The following ERG variants were observed in gnomAD, a reference collection of about 807,000 sequenced individuals.
The protein encoded by ERG is transcriptional regulator ERG.
A neutral mutation model predicts 55.3 loss-of-function variants in ERG; 9 were observed. The ratio of observed to expected loss-of-function variants is 0.16; its 90% confidence interval spans 0.10 to 0.28. The LOEUF (loss-of-function observed/expected upper bound fraction) is 0.28. Among genes scored for constraint, ERG ranks in the 10% least tolerant of loss-of-function variants. The pLI is 1.00. For missense variants in ERG, 434 were observed against 631.6 expected (o/e 0.69, Z 3.35); for synonymous variants, 223 against 237.3 (o/e 0.94, Z 0.55).
At chr21:38,595,694 G>A (rs947746615) in intron 1 of ERG, among the ~76,000 whole-genome samples, 1 of 152,148 alleles carries the variant, frequency 6.6e-6, no homozygotes, top group Non-Finnish European at 1.5e-5. Flanking sequence ...TTAAGATGGA[G>A]ACTGTGATGA....
At chr21:38,556,663 A>G (rs1328233960) in intron 2 of ERG, among the ~76,000 whole-genome samples, 1 of 152,112 alleles carries the variant, frequency 6.6e-6, no homozygotes, top group African/African-American at 2.4e-5. Flanking sequence ...ACAGGTCTAC[A>G]TGCAATCTTC....
chr21:38,376,323 C>T (rs1480835945), downstream of ERG, among the ~76,000 whole-genome samples: 2 of 152,176 alleles, frequency 1.3e-5, no homozygotes, highest in African/African-American at 4.8e-5. Context: ...GTTCGTTTCT[C>T]GCTATGCATG....
At position 38,482,683 on chromosome 21, in the gene ERG, C is replaced by T. The variant is rs1473670633; in HGVS notation, c.18+15680G>A. 6.2e-5 allele frequency among the ~76,000 whole-genome samples: 9 copies of T among 145,970 alleles called. No homozygotes were observed. The East Asian group carries it at 1.4e-3, about 22-fold the overall frequency. On this transcript the variant is annotated intron_variant, in intron 1 of 9. Coordinates refer to ENST00000288319, the MANE Select transcript of ERG (RefSeq NM_182918.4). ...TATATACAACGGAATATCATTTAGCCTTTTTTTTTTTTGAGATGGAATCTC... is the reference window on the plus strand; with the variant it reads ...TATATACAACGGAATATCATTTAGCTTTTTTTTTTTTTGAGATGGAATCTC...
At chr21:38,416,447 G>T (rs1282066456) in intron 3 of ERG, among the ~76,000 whole-genome samples, 1 of 152,210 alleles carries the variant, frequency 6.6e-6, no homozygotes, top group African/African-American at 2.4e-5. Context: ...CTGCCAGGAA[G>T]CTCAAAGCCA....
Position 38,460,594 on chromosome 21 carries a change from A to C in ERG, c.19-14973T>G, listed in dbSNP as rs1182103833. 6.6e-6 allele frequency among the ~76,000 whole-genome samples: 1 copy of C among 152,202 alleles called. No individual in the cohort carries two copies. The highest frequency in any genetic ancestry group is 1.9e-4 in the East Asian group (1 of 5,188). Reference sequence around the variant, plus strand: ...CATGCAGAAACTCTGGGAACTGAGAATCTGTACTTTTCATTCAGAGTCTGC... The same window carrying C: ...CATGCAGAAACTCTGGGAACTGAGACTCTGTACTTTTCATTCAGAGTCTGC... On this transcript the variant is annotated intron_variant, in intron 1 of 9. Transcript: ENST00000288319. The surrounding 1 kb of genome is among the most constrained non-coding windows in gnomAD (Gnocchi z 5.0).
At chr21:38,375,743 C>T (rs943305581), downstream of ERG, among the ~76,000 whole-genome samples, 1 of 152,176 alleles carries the variant, frequency 6.6e-6, no homozygotes, top group Non-Finnish European at 1.5e-5. Context: ...CTTGATTGCG[C>T]ATCACTTGTT....
chr21:38,399,741 C>T (rs1988399064), intron 6 of ERG, among the ~76,000 whole-genome samples: 1 of 152,230 alleles, frequency 6.6e-6, no homozygotes, highest in Non-Finnish European at 1.5e-5. Context: ...GAGTTCCTCC[C>T]CACCCCTGCT....
chr21:38,592,218 T>C (rs1294529636), intron 1 of ERG, among the ~76,000 whole-genome samples: 1 of 152,004 alleles, frequency 6.6e-6, no homozygotes, highest in East Asian at 1.9e-4. Flanking sequence ...CCCAGGGGAG[T>C]CCCTGAATGC....
intron 3 of ERG, among the ~76,000 whole-genome samples, chr21:38,406,557 C>A (rs534297208): frequency 6.6e-6 from 1 of 152,180 alleles, no homozygotes; most frequent in African/African-American, 2.4e-5. Context: ...GAAGACCCCC[C>A]ATCCTACCCA....
intron 1 of ERG, among the ~76,000 whole-genome samples, chr21:38,594,488 T>C (rs1279575773): frequency 6.6e-6 from 1 of 152,114 alleles, no homozygotes; most frequent in African/African-American, 2.4e-5. Context: ...TGCACAGAGC[T>C]GTGGACGGGG....
At chr21:38,562,538 G>T (rs1189072351) in intron 2 of ERG, among the ~76,000 whole-genome samples, 1 of 152,174 alleles carries the variant, frequency 6.6e-6, no homozygotes, top group Non-Finnish European at 1.5e-5. Flanking sequence ...GTCCCCAGGT[G>T]ACTTATGGAT....
chr21:38,442,549 GGAA>G (rs2058851570), intron 2 of ERG, among the ~76,000 whole-genome samples: 2 of 152,310 alleles, frequency 1.3e-5, no homozygotes, highest in South Asian at 4.1e-4. Flanking sequence ...GCCCTGGGGC[GGAA>G]CTGCCCTGGT....
At chr21:38,418,846 G>C (rs1467754796) in intron 3 of ERG, among the ~76,000 whole-genome samples, 2 of 142,452 alleles carry the variant, frequency 1.4e-5, no homozygotes, top group African/African-American at 5.2e-5. Context: ...AGAATCACTT[G>C]AACCTGGGAG....
rs1431161940 is a variant in ERG at position 38,383,100 on chromosome 21, A to C, written c.*303T>G. 8.8e-7 allele frequency: 1 copy of C among 1,140,836 alleles called. No homozygotes were observed. Among genetic ancestry groups the C allele is most frequent in the East Asian group, 4.2e-5 (1 of 23,840 alleles). The allele number at this position is 1,140,836 out of a possible 1,614,324, so 70.7% of individuals were successfully genotyped here. A position where few individuals can be genotyped will look rare whatever the true frequency, so the allele number is the denominator to read the frequency against. Reference sequence around the variant, plus strand: ...TACTCTAAAGTTTATACATTTCTTAAGACCACTTTCTTTGGCACTTTGTCC... The same window carrying C: ...TACTCTAAAGTTTATACATTTCTTACGACCACTTTCTTTGGCACTTTGTCC... On this transcript the variant is annotated 3_prime_UTR_variant, in exon 10 of 10. Coordinates refer to ENST00000288319, the MANE Select transcript of ERG (RefSeq NM_182918.4). The surrounding 1 kb of genome is among the most constrained non-coding windows in gnomAD (Gnocchi z 5.7).
At chr21:38,367,763 C>A in the ERG span, 9 of 422,294 alleles carry the variant, frequency 2.1e-5, no homozygotes, top group Non-Finnish European at 2.8e-5. Flanking sequence ...AATAACTAAC[C>A]AACAGAGGGC....
intron 1 of ERG, among the ~76,000 whole-genome samples, chr21:38,632,392 G>A (rs960102210): frequency 6.6e-6 from 1 of 152,148 alleles, no homozygotes; most frequent in Non-Finnish European, 1.5e-5. Flanking sequence ...TCAGGATGTA[G>A]AGGAGGTAGA....
At chr21:38,440,322 A>G (rs935919055) in intron 2 of ERG, among the ~76,000 whole-genome samples, 1 of 152,212 alleles carries the variant, frequency 6.6e-6, no homozygotes, top group African/African-American at 2.4e-5. Context: ...GGGCTCCTCC[A>G]GAGGCAGGCA....
At chr21:38,435,719 C>T (rs1210932663) in intron 2 of ERG, among the ~76,000 whole-genome samples, 2 of 152,164 alleles carry the variant, frequency 1.3e-5, no homozygotes, top group Non-Finnish European at 2.9e-5. Context: ...CTCTTTACAG[C>T]CAAAAACGAA....
chr21:38,547,058 G>A (rs754655004), intron 2 of ERG, among the ~76,000 whole-genome samples: 1 of 152,148 alleles, frequency 6.6e-6, no homozygotes, highest in African/African-American at 2.4e-5. Flanking sequence ...CTTTGAGTGG[G>A]AATATGAGCC....
Sources: allele counts gnomAD v4.1 joint callset (sites outside exome capture counted in the v4.1 genomes callset), GRCh38; gene constraint gnomAD v4.1.1; non-coding constraint Gnocchi (gnomAD v3.1); transcripts MANE v1.5; gene names NCBI Gene and HGNC (gene_info 2026-07-23, HGNC 2026-07-21).